Variants in IQGAP2 observed in about 807,000 individuals in gnomAD.
The protein encoded by IQGAP2 is IQ motif containing GTPase activating protein 2, also known as ras GTPase-activating-like protein IQGAP2.
In IQGAP2, 173 loss-of-function variants were observed where a neutral mutation model predicts 201.3. The ratio of observed to expected loss-of-function variants is 0.86; its 90% CI spans 0.76 to 0.98. The LOEUF is 0.98. Among genes scored for constraint, IQGAP2 ranks in the 50% least tolerant of loss-of-function variants. The probability of loss-of-function intolerance (pLI) is 0.00; values close to 1 mark genes in which losing one functional copy is unlikely to be tolerated. For missense variants in IQGAP2, 1,687 were observed against 1,864.8 expected, an observed-to-expected ratio of 0.90 and a Z score of 1.76; for synonymous variants, 675 against 673.9, an observed-to-expected ratio of 1.00 and a Z score of -0.03.
chr5:76,432,842 A>G (rs1396490352), intron 1 of IQGAP2, among the ~76,000 whole-genome samples: 1 of 152,208 alleles, frequency 6.6e-6, no homozygotes, highest in African/African-American at 2.4e-5. Context: ...TTTCTGATCC[A>G]CCATGCTCTG....
chr5:76,601,927 CAT>C (rs1231519870), intron 11 of IQGAP2, among the ~76,000 whole-genome samples: 7 of 152,186 alleles, frequency 4.6e-5, no homozygotes, highest in Non-Finnish European at 2.9e-5. Context: ...CCATCTGGTT[CAT>C]ATGACTCCTT....
At chr5:76,467,245 C>G (rs1754830384) in intron 2 of IQGAP2, among the ~76,000 whole-genome samples, 1 of 152,054 alleles carries the variant, frequency 6.6e-6, no homozygotes, top group South Asian at 2.1e-4. Flanking sequence ...CAGAGCAAGA[C>G]TCTGTCTCAA....
intron 2 of IQGAP2, among the ~76,000 whole-genome samples, chr5:76,542,820 C>T (rs1225534101): frequency 1.3e-5 from 2 of 152,200 alleles, no homozygotes; most frequent in Admixed American, 1.3e-4. Flanking sequence ...CATAGAGTGG[C>T]TCTTCTGTCA....
At chr5:76,634,324 C>T (rs543223208) in intron 15 of IQGAP2, among the ~76,000 whole-genome samples, 1 of 151,934 alleles carries the variant, frequency 6.6e-6, no homozygotes, top group Admixed American at 6.6e-5. Flanking sequence ...TGCAGCAGGG[C>T]AATCTTGGCT....
Position 76,669,491 on chromosome 5 carries a change from G to A in IQGAP2, c.2843+647G>A, listed in dbSNP as rs538959859. ...TGGAATGTGGTAAGTACTAAATGAA[G>A]GACGCGTCTAAATGAAGGACATGTA... On this transcript the variant is annotated intron_variant, in intron 23 of 35. Coordinates refer to ENST00000274364, the MANE Select transcript of IQGAP2 (RefSeq NM_006633.5). Among the ~76,000 whole-genome samples, 5 of 152,178 alleles carry A rather than the reference G, an allele frequency of 3.3e-5. No individual in the cohort carries two copies. The East Asian group carries it at 9.7e-4, about 29-fold the overall frequency.
intron 2 of IQGAP2, among the ~76,000 whole-genome samples, chr5:76,556,869 T>C (rs1213220338): frequency 6.6e-6 from 1 of 152,194 alleles, no homozygotes; most frequent in Admixed American, 6.5e-5. Flanking sequence ...TGCATTTGAA[T>C]AGGCTCTAAG....
chr5:76,416,589 G>A (rs530300882), intron 1 of IQGAP2, among the ~76,000 whole-genome samples: 13 of 150,200 alleles, frequency 8.7e-5, no homozygotes, highest in African/African-American at 2.2e-4. Context: ...GTGCAGTGGC[G>A]CGATCTTGGC....
chr5:76,535,334 A>AG (rs558710209), intron 2 of IQGAP2, among the ~76,000 whole-genome samples: 224 of 152,290 alleles, frequency 1.5e-3, no homozygotes, highest in Non-Finnish European at 2.8e-3. Context: ...TAAAAAAAAA[A>AG]TGAACATCTG....
At chr5:76,685,053 A>G (rs1171199596) in intron 30 of IQGAP2, among the ~76,000 whole-genome samples, 1 of 152,184 alleles carries the variant, frequency 6.6e-6, no homozygotes, top group Non-Finnish European at 1.5e-5. Flanking sequence ...AGCTGGAAAC[A>G]GCCCCTGTCT....
chr5:76,619,708 C>T (rs1194438846), intron 13 of IQGAP2, among the ~76,000 whole-genome samples: 1 of 151,818 alleles, frequency 6.6e-6, no homozygotes, highest in Admixed American at 6.6e-5. Flanking sequence ...TTAGTAGAGA[C>T]AGGGTTTCAC....
rs1580673058 is a variant in IQGAP2 at position 76,632,039 on chromosome 5, G to T, written c.1780+13G>T. On this transcript the variant is annotated intron_variant, in intron 15 of 35. Coordinates refer to ENST00000274364, the MANE Select transcript of IQGAP2 (RefSeq NM_006633.5). Reference sequence around the variant, plus strand: ...AAATCTGAAAGAGGTAAGTTGGTTTGTTACTTTAGCACAAACTAAGTATTT... The same window carrying T: ...AAATCTGAAAGAGGTAAGTTGGTTTTTTACTTTAGCACAAACTAAGTATTT... The T allele has an allele frequency of 1.9e-6, 3 of 1,587,548 alleles. No homozygotes were observed.
At chr5:76,508,419 A>G (rs894628469) in intron 2 of IQGAP2, among the ~76,000 whole-genome samples, 18 of 152,242 alleles carry the variant, frequency 1.2e-4, no homozygotes, top group African/African-American at 3.4e-4. Context: ...ATCATATGCC[A>G]TTAGGGAATT....
chr5:76,457,481 A>G (rs1047256657), intron 1 of IQGAP2, among the ~76,000 whole-genome samples: 5 of 152,174 alleles, frequency 3.3e-5, no homozygotes, highest in Non-Finnish European at 7.3e-5. Flanking sequence ...AGACCTTTTG[A>G]GTCATATTCA....
chr5:76,624,051 G>A (rs548637795), intron 13 of IQGAP2, among the ~76,000 whole-genome samples: 9 of 148,518 alleles, frequency 6.1e-5, no homozygotes, highest in Admixed American at 3.4e-4. Context: ...TAAAATCATA[G>A]CACATCATGA....
At chr5:76,665,265 C>T (rs1580763389) in intron 22 of IQGAP2, 90 bp downstream of exon 22, 4 of 1,097,340 alleles carry the variant, frequency 3.6e-6, no homozygotes, top group East Asian at 4.7e-5. Context: ...CATGCTTCAG[C>T]TATAATAGCA....
At chr5:76,654,530 A>G (rs1374258066) in intron 19 of IQGAP2, among the ~76,000 whole-genome samples, 1 of 152,250 alleles carries the variant, frequency 6.6e-6, no homozygotes. Context: ...ACCAAAGAGA[A>G]GACTCTAGAG....
chr5:76,657,192 A>G (rs889554516), intron 20 of IQGAP2, among the ~76,000 whole-genome samples: 11 of 152,266 alleles, frequency 7.2e-5, no homozygotes, highest in African/African-American at 2.7e-4. Context: ...GTTAATACAT[A>G]TGAAGAGACA....
chr5:76,518,376 T>C (rs1165471156), intron 2 of IQGAP2, among the ~76,000 whole-genome samples: 1 of 152,128 alleles, frequency 6.6e-6, no homozygotes, highest in African/African-American at 2.4e-5. Context: ...CAGGCAAAAA[T>C]AGAGAGCTTG....
At chr5:76,543,703 T>G (rs2150223229) in intron 2 of IQGAP2, among the ~76,000 whole-genome samples, 1 of 152,354 alleles carries the variant, frequency 6.6e-6, no homozygotes, top group East Asian at 1.9e-4. Flanking sequence ...AGTTGTGAGT[T>G]TGGACTTGTA....
Sources: gnomAD v4.1 joint callset for allele counts (sites outside exome capture counted in the v4.1 genomes callset) on GRCh38, gnomAD v4.1.1 for gene constraint, MANE v1.5 for transcripts, NCBI Gene and HGNC (gene_info 2026-07-23, HGNC 2026-07-21) for gene names.